The following GSTCD variants were observed in gnomAD, a reference collection of about 807,000 sequenced individuals.
GSTCD encodes glutathione S-transferase C-terminal domain containing, also known as glutathione S-transferase C-terminal domain-containing protein.
GSTCD carries 44 observed loss-of-function variants against 68.3 expected under a neutral mutation model. That is an observed-to-expected ratio of 0.64 (90% CI 0.51 to 0.83). The LOEUF (loss-of-function observed/expected upper bound fraction) is 0.83. GSTCD is among the 40% of genes least tolerant of loss of function. GSTCD has a pLI of 0.00. For synonymous variants in GSTCD, 273 were observed against 255.2 expected, an observed-to-expected ratio of 1.07 and a Z score of -0.67; for missense variants, 739 against 735.9, an observed-to-expected ratio of 1.00 and a Z score of -0.05.
At chr4:105,734,409 C>T (rs982938536) in intron 5 of GSTCD, among the ~76,000 whole-genome samples, 3 of 152,140 alleles carry the variant, frequency 2.0e-5, no homozygotes, top group African/African-American at 7.2e-5. Context: ...TTTCTCTAAA[C>T]TTCTCTTCTT....
At chr4:105,825,520 G>A in intron 7 of GSTCD, 152 bp from the exon 8 acceptor site, 1 of 449,824 alleles carries the variant, frequency 2.2e-6, no homozygotes, top group Non-Finnish European at 4.1e-6. Flanking sequence ...TTTCCTTTCT[G>A]TACCAGATTA....
intron 8 of GSTCD, among the ~76,000 whole-genome samples, chr4:105,830,403 T>TA (rs1188662149): frequency 1.3e-5 from 2 of 151,760 alleles, no homozygotes; most frequent in African/African-American, 2.4e-5. Flanking sequence ...ATCAGTCTAG[T>TA]AAAAAAAAGT....
chr4:105,842,246 G>T, intron 11 of GSTCD, 112 bp downstream of exon 11: 1 of 743,280 alleles, frequency 1.3e-6, no homozygotes, highest in South Asian at 1.8e-5. Context: ...ATTTTTCAAT[G>T]AGAAACTAAA....
At chr4:105,718,719 T>A (rs1404565420) in intron 2 of GSTCD, among the ~76,000 whole-genome samples, 1 of 152,244 alleles carries the variant, frequency 6.6e-6, no homozygotes, top group African/African-American at 2.4e-5. Flanking sequence ...TTATGTTGAT[T>A]TTTAAATGGA....
intron 8 of GSTCD, among the ~76,000 whole-genome samples, chr4:105,829,681 G>T (rs1428254792): frequency 6.6e-6 from 1 of 152,142 alleles, no homozygotes; most frequent in African/African-American, 2.4e-5. Context: ...TCCATGACAT[G>T]TGGGAAATAT....
intron 5 of GSTCD, among the ~76,000 whole-genome samples, chr4:105,809,810 C>T (rs1176506965): frequency 6.6e-6 from 1 of 150,942 alleles, no homozygotes; most frequent in Non-Finnish European, 1.5e-5. Flanking sequence ...GTCTTTTTTC[C>T]TCCTAAGACA....
intron 5 of GSTCD, among the ~76,000 whole-genome samples, chr4:105,747,059 C>G (rs1733829066): frequency 2.0e-5 from 3 of 152,190 alleles, no homozygotes; most frequent in Admixed American, 1.3e-4. Flanking sequence ...CTAAAGGCAG[C>G]CTTTTCCCCT....
intron 5 of GSTCD, among the ~76,000 whole-genome samples, chr4:105,819,147 T>C (rs141302415): frequency 4.6e-5 from 7 of 151,912 alleles, no homozygotes; most frequent in African/African-American, 1.7e-4. Context: ...ATTTCCTATC[T>C]GGCACTGTCT....
intron 5 of GSTCD, among the ~76,000 whole-genome samples, chr4:105,812,549 G>A (rs1200219346): frequency 6.6e-6 from 1 of 151,988 alleles, no homozygotes; most frequent in African/African-American, 2.4e-5. Context: ...GCATTTAAAA[G>A]TCTAAACAGT....
At chr4:105,790,385 A>G (rs1735617977) in intron 5 of GSTCD, among the ~76,000 whole-genome samples, 1 of 152,156 alleles carries the variant, frequency 6.6e-6, no homozygotes, top group Non-Finnish European at 1.5e-5. Flanking sequence ...AAGGCTGGGC[A>G]TGGTGGCTTA....
At chr4:105,722,177 T>G (rs1378448084) in intron 3 of GSTCD, among the ~76,000 whole-genome samples, 1 of 150,948 alleles carries the variant, frequency 6.6e-6, no homozygotes, top group Non-Finnish European at 1.5e-5. Context: ...AATACACACA[T>G]ACACACACAC....
At chr4:105,741,176 G>A (rs1372367050) in intron 5 of GSTCD, among the ~76,000 whole-genome samples, 2 of 151,738 alleles carry the variant, frequency 1.3e-5, no homozygotes, top group Admixed American at 1.3e-4. Context: ...AATATTGCCT[G>A]TATCTCACGG....
intron 5 of GSTCD, chr4:105,753,394 CAG>C (rs1734070744): frequency 6.6e-6 from 1 of 151,944 alleles, no homozygotes; most frequent in Non-Finnish European, 1.5e-5. Flanking sequence ...AAAACATTCA[CAG>C]AGTTATTTGT....
chr4:105,814,914 C>T (rs553665070), intron 5 of GSTCD, among the ~76,000 whole-genome samples: 9 of 152,276 alleles, frequency 5.9e-5, no homozygotes, highest in Non-Finnish European at 1.0e-4. Context: ...ACTGCCTTTG[C>T]GGTTTATACA....
intron 5 of GSTCD, among the ~76,000 whole-genome samples, chr4:105,747,971 G>A (rs570286947): frequency 3.3e-5 from 5 of 152,128 alleles, no homozygotes; most frequent in African/African-American, 1.2e-4. Context: ...AATACTAAAA[G>A]TGGCCAGGCA....
intron 7 of GSTCD, among the ~76,000 whole-genome samples, chr4:105,824,767 C>T (rs1396541209): frequency 1.3e-5 from 2 of 152,088 alleles, no homozygotes; most frequent in South Asian, 4.1e-4. Context: ...CATTTTCACC[C>T]TTTACACCCT....
chr4:105,782,898 T>A (rs1172852239), intron 5 of GSTCD, among the ~76,000 whole-genome samples: 1 of 152,254 alleles, frequency 6.6e-6, no homozygotes, highest in Non-Finnish European at 1.5e-5. Flanking sequence ...AAAGAATTAT[T>A]GTGTTTGTGT....
At chr4:105,757,216 C>T (rs1578442389) in intron 5 of GSTCD, among the ~76,000 whole-genome samples, 1 of 151,860 alleles carries the variant, frequency 6.6e-6, no homozygotes, top group Non-Finnish European at 1.5e-5. Context: ...TTATAATAAC[C>T]CTTTATTGGA....
intron 5 of GSTCD, among the ~76,000 whole-genome samples, chr4:105,737,037 T>A (rs1733485692): frequency 1.3e-5 from 2 of 152,168 alleles, no homozygotes; most frequent in African/African-American, 4.8e-5. Context: ...TTGTGAATAG[T>A]GCTGCAATAA....
Sources: gnomAD v4.1 joint callset for allele counts (sites outside exome capture counted in the v4.1 genomes callset) on GRCh38, gnomAD v4.1.1 for gene constraint, MANE v1.5 for transcripts, NCBI Gene and HGNC (gene_info 2026-07-23, HGNC 2026-07-21) for gene names.